Variants in NEMP1 observed in about 807,000 individuals in gnomAD.
The protein encoded by NEMP1 is transmembrane protein 194.
Under a neutral mutation model 53.7 loss-of-function variants are expected in NEMP1, and 29 were observed. The observed-to-expected ratio is 0.54, with a 90% CI of 0.40 to 0.74. The LOEUF (loss-of-function observed/expected upper bound fraction) is 0.74. NEMP1 is among the 30% of genes least tolerant of loss of function. The probability of loss-of-function intolerance (pLI) is 0.00; values close to 1 mark genes in which losing one functional copy is unlikely to be tolerated. For synonymous variants in NEMP1, 193 were observed against 192.9 expected (o/e 1.00, Z 0.00); for missense variants, 477 against 528.6 (o/e 0.90, Z 0.96).
In NEMP1 at chr12:57,059,444, G is replaced by A. The variant is rs1291808959; in HGVS notation, c.*435C>T. The A allele has an allele frequency of 1.3e-5, 2 of 154,220 alleles. No homozygotes were observed. Among genetic ancestry groups the A allele is most frequent in the Non-Finnish European group, 2.9e-5 (2 of 69,500 alleles). 9.6% of individuals were successfully genotyped at this position (154,220 alleles called of 1,614,324 possible). A position where few individuals can be genotyped will look rare whatever the true frequency, so the allele number is the denominator to read the frequency against. On this transcript the variant is annotated 3_prime_UTR_variant, in exon 9 of 9. Transcript: ENST00000300128. ...CTGAAATAAAAGCTGGAGTGAAGGA[G>A]GCTCAGATTTGTGGATTTCTCTCTG...
chr12:57,067,633 A>T (rs980590503), intron 4 of NEMP1, among the ~76,000 whole-genome samples: 11 of 152,156 alleles, frequency 7.2e-5, no homozygotes, highest in Admixed American at 6.5e-5. Context: ...GTGTGACTAT[A>T]TTTGCCCAAA....
In NEMP1 at chr12:57,059,760, TAGG is replaced by T; in HGVS notation, c.*116_*118del. On this transcript the variant is annotated 3_prime_UTR_variant, in exon 9 of 9. Coordinates refer to ENST00000300128, the MANE Select transcript of NEMP1 (RefSeq NM_001130963.2). The stretch of plus-strand genomic sequence containing the variant: ...GGCCTTTTTAGGCCTCTTATTTCAG[TAGG>T]AGAATTTCTACCCTATCTATCTCAC... The T allele has an allele frequency of 4.4e-6, 4 of 900,202 alleles. No individual in the cohort carries two copies. The highest frequency in any genetic ancestry group is 1.9e-5 in the South Asian group (1 of 51,984). The allele number at this position is 900,202 out of a possible 1,614,324, so 55.8% of individuals were successfully genotyped here.
In NEMP1 at chr12:57,084,610, C is replaced by G. The variant is rs995690868; in HGVS notation, n.113+3341G>C. 3.9e-5 allele frequency among the ~76,000 whole-genome samples: 6 copies of G among 152,196 alleles called. No homozygotes were observed. The East Asian group carries it at 1.2e-3, about 29-fold the overall frequency. On this transcript the variant is annotated intron_variant and non_coding_transcript_variant, in intron 1 of 2. Transcript: ENST00000553654. ...CATAAATCCTTCCTCCACTCTGCTCCTAAGTGCAGATCTGACCATGCCATG... is the reference window on the plus strand; with the variant it reads ...CATAAATCCTTCCTCCACTCTGCTCGTAAGTGCAGATCTGACCATGCCATG...
At chr12:57,082,613 G>A (rs1195384940), upstream of NEMP1, among the ~76,000 whole-genome samples, 1 of 152,142 alleles carries the variant, frequency 6.6e-6, no homozygotes, top group Non-Finnish European at 1.5e-5. Context: ...TCAGGAGGCT[G>A]AGATGGGACG....
intron 6 of NEMP1, 56 bp from the exon 7 acceptor site, chr12:57,063,400 T>A (rs1051708701): frequency 6.9e-7 from 1 of 1,450,316 alleles, no homozygotes. Context: ...GTAAAAATAA[T>A]TTGTGTGGGA....
At chr12:57,081,509 C>A (rs1187122684), upstream of NEMP1, among the ~76,000 whole-genome samples, 3 of 149,600 alleles carry the variant, frequency 2.0e-5, no homozygotes, top group Non-Finnish European at 4.5e-5. Flanking sequence ...TCCCGAAGTG[C>A]TGGGATTACA....
rs989832928 is a variant in NEMP1, at chr12:57,056,532, G to A, written c.*3347C>T. Reference sequence around the variant, plus strand: ...TTCAATATAGGTTATTATCTCATATGTCAGACTTGAGTCCAGAGAATACTA... The same window carrying A: ...TTCAATATAGGTTATTATCTCATATATCAGACTTGAGTCCAGAGAATACTA... On this transcript the variant is annotated 3_prime_UTR_variant, in exon 9 of 9. Coordinates refer to ENST00000300128, the MANE Select transcript of NEMP1 (RefSeq NM_001130963.2). The A allele has an allele frequency of 5.9e-5, 9 of 152,158 alleles. No individual in the cohort carries two copies. Among genetic ancestry groups the A allele is most frequent in the African/African-American group, 2.2e-4 (9 of 41,428 alleles). The allele number at this position is 152,158 out of a possible 1,614,324, so 9.4% of individuals were successfully genotyped here. A position where few individuals can be genotyped will look rare whatever the true frequency, so the allele number is the denominator to read the frequency against.
chr12:57,060,905 G>A lies in NEMP1; in HGVS notation c.1021C>T (p.Leu341Phe). ...ATCCGATATTCTTCTTCTGTCAGGAGACGAGGGGGAACAGGCTTTTCTGCT... is the reference window on the plus strand; with the variant it reads ...ATCCGATATTCTTCTTCTGTCAGGAAACGAGGGGGAACAGGCTTTTCTGCT... The part of the protein sequence containing the change: ...KGAEKPVPPR[L>F]LTEEEYRIQG... Residue 341 changes from leucine to phenylalanine, a missense_variant, in exon 8 of 9, where the codon CTC (leucine) becomes TTC (phenylalanine). Physicochemically the swap from Leu to Phe is conservative, Grantham distance 22. Transcript: ENST00000300128. The A allele has an allele frequency of 6.2e-6, 10 of 1,614,132 alleles. No homozygotes were observed. Among genetic ancestry groups the A allele is most frequent in the Non-Finnish European group, 8.5e-6 (10 of 1,180,006 alleles).
At chr12:57,061,024 C>T in intron 7 of NEMP1, 79 bp from the exon 8 acceptor site, 1 of 1,434,756 alleles carries the variant, frequency 7.0e-7, no homozygotes, top group Non-Finnish European at 9.5e-7. Context: ...CTTCAGTGGG[C>T]CAAGAATACA....
chr12:57,074,539 A>T (rs2032511339), intron 1 of NEMP1, among the ~76,000 whole-genome samples: 1 of 149,780 alleles, frequency 6.7e-6, no homozygotes, highest in South Asian at 2.1e-4. Flanking sequence ...TCCTGGCCTC[A>T]ACTGATCCAC....
intron 6 of NEMP1, 106 bp downstream of exon 6, chr12:57,063,964 AT>A: frequency 1.6e-6 from 1 of 631,010 alleles, no homozygotes; most frequent in Non-Finnish European, 2.7e-6. Context: ...GTTTAAAAAA[AT>A]GACATGAACT....
Position 57,064,707 on chromosome 12 carries a change from G to C in NEMP1, c.578C>G (p.Thr193Ser), listed in dbSNP as rs951485717. 6.2e-7 allele frequency: 1 copy of C among 1,612,770 alleles called. No homozygotes were observed. Among genetic ancestry groups the C allele is most frequent in the African/African-American group, 1.3e-5 (1 of 74,844 alleles). The change falls in exon 5 of 9, where the codon ACT (threonine) becomes AGT (serine). Residue 193 changes from threonine to serine, a missense_variant. Transcript: ENST00000300128. ...SQIFYYSTGMTVGIVASLLII... is the reference protein window; with the variant it reads ...SQIFYYSTGMSVGIVASLLII... ...TAGCAGAGAGGCCACAATTCCCACA[G>C]TCATCCCAGTAGAGTAGTAGAAAAT...
intron 8 of NEMP1, 48 bp downstream of exon 8, chr12:57,060,724 A>G: frequency 6.5e-7 from 1 of 1,548,904 alleles, no homozygotes; most frequent in Non-Finnish European, 8.7e-7. Flanking sequence ...GTAGAACTCA[A>G]GGTCACAATT....
In NEMP1 at chr12:57,059,851, A is replaced by G; in HGVS notation, c.*28T>C. 6.2e-7 allele frequency: 1 copy of G among 1,603,262 alleles called. No homozygotes were observed. Among genetic ancestry groups the G allele is most frequent in the Admixed American group, 1.7e-5 (1 of 59,090 alleles). ...GCAACATGGACCAAGGCACCAAGCC[A>G]GTCCACGTAAAGATAACTGACCACT... On this transcript the variant is annotated 3_prime_UTR_variant, in exon 9 of 9. Transcript: ENST00000300128.
At chr12:57,063,085 C>T (rs2031895204) in intron 7 of NEMP1, 34 bp downstream of exon 7, 1 of 1,531,172 alleles carries the variant, frequency 6.5e-7, no homozygotes, top group Non-Finnish European at 9.0e-7. Context: ...CACAATGTAC[C>T]TGTCAATATT....
Position 57,058,621 on chromosome 12 carries a change from T to A in NEMP1, c.*1258A>T, listed in dbSNP as rs568393257. On this transcript the variant is annotated 3_prime_UTR_variant, in exon 9 of 9. Transcript: ENST00000300128. Reference sequence around the variant, plus strand: ...CATACATCTCAGGTCAGAAACGCAATCATAAATAAGTGTAAGTTCATGGAA... The same window carrying A: ...CATACATCTCAGGTCAGAAACGCAAACATAAATAAGTGTAAGTTCATGGAA... 1 of 152,306 alleles carries A rather than the reference T, an allele frequency of 6.6e-6. No homozygotes were observed. Among genetic ancestry groups the A allele is most frequent in the East Asian group, 1.9e-4 (1 of 5,190 alleles). The allele number at this position is 152,306 out of a possible 1,614,324, so 9.4% of individuals were successfully genotyped here.
chr12:57,078,722 C>T lies in NEMP1; in HGVS notation c.24G>A (p.Ala8=), dbSNP rs1276548276. 1.2e-6 allele frequency: 2 copies of T among 1,612,798 alleles called. No individual in the cohort carries two copies. Among genetic ancestry groups the T allele is most frequent in the African/African-American group, 1.3e-5 (1 of 75,000 alleles). Reference sequence around the variant, plus strand: ...GCCCGGGACCAACTGCCGGCGAGACCGCCACTTTCATTCCTCCCGCCATGG... The same window carrying T: ...GCCCGGGACCAACTGCCGGCGAGACTGCCACTTTCATTCCTCCCGCCATGG... MAGGMKV[A]VSPAVGPGPW... Residue 8 remains alanine, a synonymous_variant, in exon 1 of 9, where the codon GCG becomes GCA. Coordinates refer to ENST00000300128, the MANE Select transcript of NEMP1 (RefSeq NM_001130963.2).
chr12:57,077,651 T>C (rs1227971750), intron 1 of NEMP1, among the ~76,000 whole-genome samples: 1 of 152,210 alleles, frequency 6.6e-6, no homozygotes, highest in African/African-American at 2.4e-5. Context: ...AAATTATCAA[T>C]TCATAAAAAA....
chr12:57,069,123 C>G (rs1054000629), intron 4 of NEMP1, 111 bp downstream of exon 4: 8 of 657,546 alleles, frequency 1.2e-5, no homozygotes, highest in Non-Finnish European at 1.9e-5. Flanking sequence ...CAGGCAACGG[C>G]CAAGCCATAA....
Sources: gnomAD v4.1 joint callset for allele counts (sites outside exome capture counted in the v4.1 genomes callset) on GRCh38, gnomAD v4.1.1 for gene constraint, MANE v1.5 for transcripts, NCBI Gene and HGNC (gene_info 2026-07-23, HGNC 2026-07-21) for gene names.